The following PRDM14 variants were observed in gnomAD, a reference collection of about 807,000 sequenced individuals.
PRDM14 encodes PR domain zinc finger protein 14.
Under a neutral mutation model 48.0 loss-of-function variants are expected in PRDM14, and 16 were observed. The observed-to-expected ratio is 0.33, with a 90% CI of 0.23 to 0.51. The LOEUF is 0.51. Ranked by LOEUF, PRDM14 falls within the 20% of genes least tolerant of loss-of-function variation. The pLI, the probability that PRDM14 is intolerant of heterozygous loss-of-function variation, is 0.97. For missense variants in PRDM14, 566 were observed against 719.6 expected, an observed-to-expected ratio of 0.79 and a Z score of 2.44; for synonymous variants, 264 against 276.6, an observed-to-expected ratio of 0.95 and a Z score of 0.45.
At chr8:70,056,746 G>C (rs564060692) in intron 6 of PRDM14, among the ~76,000 whole-genome samples, 2 of 149,902 alleles carry the variant, frequency 1.3e-5, no homozygotes, top group African/African-American at 2.5e-5. Context: ...TTGAGCGTAG[G>C]AGGTGGAGGT....
intron 7 of PRDM14, among the ~76,000 whole-genome samples, chr8:70,053,472 C>T (rs755910255): frequency 2.6e-5 from 4 of 152,134 alleles, no homozygotes; most frequent in Non-Finnish European, 5.9e-5. Flanking sequence ...CTCACTGCAA[C>T]CTCCACCTCC....
intron 5 of PRDM14, among the ~76,000 whole-genome samples, chr8:70,059,715 G>A (rs1046807795): frequency 1.6e-4 from 25 of 152,154 alleles, no homozygotes; most frequent in African/African-American, 5.1e-4. Flanking sequence ...ATCACCGCTC[G>A]CCATAGTAGA....
In PRDM14 at chr8:70,069,408, T is replaced by C. The variant is rs779680822; in HGVS notation, c.453A>G (p.Pro151=). The C allele has an allele frequency of 7.5e-6, 12 of 1,604,878 alleles. No homozygotes were observed. Among genetic ancestry groups the C allele is most frequent in the Non-Finnish European group, 1.0e-5 (12 of 1,175,464 alleles). The part of the protein sequence containing the change: ...GPCCGPDTLI[P]PPPADASLLP... ...ACAGAGAAGCATCCGCAGGGGGCGG[T>C]GGAATTAAAGTGTCAGGTCCACAAC... The change falls in exon 2 of 8, where the codon CCA becomes CCG. Residue 151 remains proline (P), a synonymous_variant. Transcript: ENST00000276594.
intron 6 of PRDM14, among the ~76,000 whole-genome samples, 175 bp downstream of exon 6, chr8:70,058,465 G>A (rs371685934): frequency 5.3e-5 from 8 of 152,088 alleles, no homozygotes; most frequent in African/African-American, 1.2e-4. Flanking sequence ...CATGTGCATC[G>A]CTGTGCCTAT....
At position 70,069,720 on chromosome 8, in the gene PRDM14, C is replaced by T. The variant is rs1367849452; in HGVS notation, c.141G>A (p.Glu47=). 6.3e-7 allele frequency: 1 copy of T among 1,583,582 alleles called. No individual in the cohort carries two copies. The highest frequency in any genetic ancestry group is 1.3e-5 in the African/African-American group (1 of 74,366). The change falls in exon 2 of 8, where the codon GAG becomes GAA. Residue 47 remains glutamate, a synonymous_variant. Transcript: ENST00000276594. Reference sequence around the variant, plus strand: ...GCTGCCGGAAAGGTTGGAAGTCTTCCTCCACGGTGGCCAGGCTGTTTCTGT... The same window carrying T: ...GCTGCCGGAAAGGTTGGAAGTCTTCTTCCACGGTGGCCAGGCTGTTTCTGT... ...GHYRNSLATV[E]EDFQPFRQLE...
At chr8:70,053,098 TAAAAAAAA>T (rs71275048) in intron 7 of PRDM14, among the ~76,000 whole-genome samples, 2,011 of 82,180 alleles carry the variant, frequency 0.024, 55 homozygotes, top group African/African-American at 0.091. Flanking sequence ...ACCCTCTCTT[TAAAAAAAA>T]AAAAAAAAAA....
intron 6 of PRDM14, 125 bp from the exon 7 acceptor site, chr8:70,055,526 G>A: frequency 1.9e-6 from 1 of 527,084 alleles, no homozygotes; most frequent in Non-Finnish European, 3.4e-6. Flanking sequence ...TTTTTTTTGA[G>A]ACGGGATCTC....
chr8:70,052,408 C>T (rs971606130), intron 7 of PRDM14, 104 bp from the exon 8 acceptor site: 39 of 915,800 alleles, frequency 4.3e-5, no homozygotes, highest in African/African-American at 2.7e-4. Flanking sequence ...TCCTTATGGA[C>T]GAACCTTGGG....
At chr8:70,070,274 CA>C (rs1032323143) in intron 1 of PRDM14, among the ~76,000 whole-genome samples, 19 of 152,292 alleles carry the variant, frequency 1.2e-4, no homozygotes, top group African/African-American at 4.3e-4. Context: ...CTCAGTCCTA[CA>C]AAACTCGTTG....
Position 70,069,394 on chromosome 8 carries a change from T to C in PRDM14, c.467A>G (p.Asp156Gly). Residue 156 changes from aspartate to glycine, a missense_variant, in exon 2 of 8, where the codon GAT (aspartate) becomes GGT (glycine). By Grantham distance (94) the Asp-to-Gly change is moderately conservative (BLOSUM62 -1). Around this residue, in one of 3 missense-constraint regions of PRDM14, gnomAD observed 410 missense variants for 424.6 expected, o/e 0.97. Transcript: ENST00000276594. ...CAGCCCCTCAGGTAACAGAGAAGCA[T>C]CCGCAGGGGGCGGTGGAATTAAAGT... is the stretch of plus-strand genomic sequence containing the variant. ...PDTLIPPPPA[D>G]ASLLPEGLRT... is the part of the protein sequence containing the mutation. The C allele has an allele frequency of 1.9e-6, 3 of 1,610,196 alleles. No individual in the cohort carries two copies. Among genetic ancestry groups the C allele is most frequent in the Non-Finnish European group, 2.5e-6 (3 of 1,178,044 alleles).
intron 4 of PRDM14, among the ~76,000 whole-genome samples, 167 bp from the exon 5 acceptor site, chr8:70,066,672 C>T (rs566667714): frequency 3.3e-5 from 5 of 152,180 alleles, no homozygotes; most frequent in African/African-American, 9.6e-5. Flanking sequence ...TTTACTTATG[C>T]CAACATAGAT....
intron 6 of PRDM14, 124 bp downstream of exon 6, chr8:70,058,516 A>T: frequency 1.3e-6 from 1 of 770,694 alleles, no homozygotes; most frequent in Admixed American, 2.1e-5. Flanking sequence ...CTCCTCCTTC[A>T]GAGAGGGTGT....
At chr8:70,068,147 T>C (rs1585654571) in intron 4 of PRDM14, 83 bp downstream of exon 4, 2 of 1,506,916 alleles carry the variant, frequency 1.3e-6, no homozygotes, top group Non-Finnish European at 1.8e-6. Context: ...ACCAGGACTC[T>C]CCCAAAAGGG....
At chr8:70,067,662 C>T (rs975284493) in intron 4 of PRDM14, among the ~76,000 whole-genome samples, 1 of 152,042 alleles carries the variant, frequency 6.6e-6, no homozygotes, top group Non-Finnish European at 1.5e-5. Flanking sequence ...GATTATTTTC[C>T]TGTACTATAT....
At position 70,066,363 on chromosome 8, in the gene PRDM14, C is replaced by A. The variant is rs1310950617; in HGVS notation, c.1055G>T (p.Ser352Ile). 2.0e-5 allele frequency: 33 copies of A among 1,614,142 alleles called. No individual in the cohort carries two copies. Among genetic ancestry groups the A allele is most frequent in the Non-Finnish European group, 2.5e-5 (30 of 1,180,032 alleles). ...VQCQGHIFYESCKEIHQNQEL... is the reference protein window; with the variant it reads ...VQCQGHIFYEICKEIHQNQEL... The stretch of plus-strand genomic sequence containing the variant: ...TTGGTTCTGATGGATCTCTTTGCAG[C>A]TCTCATAAAATATATGCCCTTGACA... Residue 352 changes from serine (S) to isoleucine (I), a missense_variant, in exon 5 of 8, where the codon AGC becomes ATC. Ser to Ile is a moderately radical substitution (Grantham distance 142). Transcript: ENST00000276594.
In PRDM14 at chr8:70,068,391, G is replaced by A. The variant is rs1171735852; in HGVS notation, c.755-4C>T. On this transcript the variant is annotated splice_polypyrimidine_tract_variant and splice_region_variant and intron_variant, in intron 3 of 7. Coordinates refer to ENST00000276594, the MANE Select transcript of PRDM14 (RefSeq NM_024504.4). ...ACCGTCTGCATGAGGCATAGACCTA[G>A]GGGAAAGCCGAGGCAGGAAAAGAGA... The A allele has an allele frequency of 6.2e-7, 1 of 1,614,188 alleles. No homozygotes were observed. Among genetic ancestry groups the A allele is most frequent in the Non-Finnish European group, 8.5e-7 (1 of 1,180,038 alleles).
At chr8:70,069,928 C>G (rs1805739702) in intron 1 of PRDM14, 44 bp from the exon 2 acceptor site, 1 of 1,285,526 alleles carries the variant, frequency 7.8e-7, no homozygotes, top group Non-Finnish European at 1.1e-6. Context: ...GCGGGAGCTT[C>G]CCGGGGTCCG....
At chr8:70,061,452 A>C (rs927744730) in intron 5 of PRDM14, among the ~76,000 whole-genome samples, 2 of 152,182 alleles carry the variant, frequency 1.3e-5, no homozygotes, top group African/African-American at 4.8e-5. Flanking sequence ...GAAATAAACT[A>C]TTCATTAAGT....
At chr8:70,053,511 C>A (rs902255946) in intron 7 of PRDM14, among the ~76,000 whole-genome samples, 3 of 152,140 alleles carry the variant, frequency 2.0e-5, no homozygotes, top group Non-Finnish European at 4.4e-5. Flanking sequence ...GTGCCTCAGC[C>A]TCCCAAGTAG....
Sources: allele counts gnomAD v4.1 joint callset (sites outside exome capture counted in the v4.1 genomes callset), GRCh38; gene constraint gnomAD v4.1.1; regional missense constraint gnomAD v4.1.1; transcripts MANE v1.5; gene names NCBI Gene and HGNC (gene_info 2026-07-23, HGNC 2026-07-21).